The following FER1L6 variants were observed in gnomAD, a reference collection of about 807,000 sequenced individuals.
FER1L6 encodes fer-1-like protein 6.
A neutral mutation model predicts 219.2 loss-of-function variants in FER1L6; 177 were observed. That is an observed-to-expected ratio of 0.81 (90% CI 0.71 to 0.91). The LOEUF is 0.91. FER1L6 is among the 40% of genes least tolerant of loss of function. The pLI is 0.00. For synonymous variants in FER1L6, 768 were observed against 824.3 expected, an observed-to-expected ratio of 0.93 and a Z score of 1.17; for missense variants, 2,153 against 2,259.9, an observed-to-expected ratio of 0.95 and a Z score of 0.96.
rs537351784 is a variant in FER1L6, at chr8:123,930,534, G to A, written c.-7-25458G>A. On this transcript the variant is annotated intron_variant, in intron 1 of 40. Coordinates refer to ENST00000522917, the MANE Select transcript of FER1L6 (RefSeq NM_001039112.2). ...AGAAAGAGAAGAGGCAGGACTTAAT[G>A]GTGAGCACTATGGACACTCATGACT... is the stretch of plus-strand genomic sequence containing the variant. 2.1e-4 allele frequency among the ~76,000 whole-genome samples: 32 copies of A among 152,302 alleles called. 1 individual carries two copies. The South Asian group carries it at 6.6e-3, about 32-fold the overall frequency.
chr8:124,024,140 C>T (rs1250203126), intron 18 of FER1L6, among the ~76,000 whole-genome samples: 1 of 151,996 alleles, frequency 6.6e-6, no homozygotes, highest in Non-Finnish European at 1.5e-5. Flanking sequence ...TTGTGATCTG[C>T]CTGCCTCGGC....
intron 31 of FER1L6, among the ~76,000 whole-genome samples, chr8:124,075,698 C>T (rs571639699): frequency 3.9e-5 from 6 of 152,066 alleles, no homozygotes; most frequent in Non-Finnish European, 5.9e-5. Flanking sequence ...CACAAACATG[C>T]GAGTAATGTG....
chr8:123,998,138 G>A (rs1041239393), intron 12 of FER1L6, among the ~76,000 whole-genome samples: 4 of 152,052 alleles, frequency 2.6e-5, no homozygotes, highest in Non-Finnish European at 4.4e-5. Context: ...GGTTGTTTGC[G>A]CCCATCCTTC....
intron 1 of FER1L6, among the ~76,000 whole-genome samples, chr8:123,856,312 A>ATGTG (rs1266081655): frequency 1.5e-4 from 8 of 52,800 alleles, no homozygotes; most frequent in African/African-American, 5.7e-4. Flanking sequence ...ATATATATGT[A>ATGTG]TGTGTATATA....
chr8:124,058,169 A>C (rs1259331183), intron 22 of FER1L6, among the ~76,000 whole-genome samples: 2 of 152,188 alleles, frequency 1.3e-5, no homozygotes, highest in Non-Finnish European at 2.9e-5. Flanking sequence ...TCTGAGCATC[A>C]GTGATTTTTC....
Position 123,872,636 on chromosome 8 carries a change from T to C in FER1L6, c.-8+20451T>C, listed in dbSNP as rs77369640. 8.3e-3 allele frequency among the ~76,000 whole-genome samples: 1,263 copies of C among 152,322 alleles called. 8 individuals are homozygous for C. Among genetic ancestry groups the C allele is most frequent in the Non-Finnish European group, 0.012 (807 of 68,010 alleles). ...TAAGATAATAACAGGATTCTGGGCATGGGGAATATAGAAACTCTGTACTAT... is the reference window on the plus strand; with the variant it reads ...TAAGATAATAACAGGATTCTGGGCACGGGGAATATAGAAACTCTGTACTAT... On this transcript the variant is annotated intron_variant, in intron 1 of 40. Transcript: ENST00000522917.
At chr8:123,870,244 T>C (rs778336733) in intron 1 of FER1L6, among the ~76,000 whole-genome samples, 1 of 152,202 alleles carries the variant, frequency 6.6e-6, no homozygotes, top group African/African-American at 2.4e-5. Flanking sequence ...TATTTGACAA[T>C]TTCTCACAAA....
At chr8:123,956,412 G>T (rs1409817318) in intron 2 of FER1L6, among the ~76,000 whole-genome samples, 1 of 152,216 alleles carries the variant, frequency 6.6e-6, no homozygotes, top group East Asian at 1.9e-4. Flanking sequence ...GATGTGGGTT[G>T]CTGGGCTGAT....
At chr8:123,961,302 A>T (rs1443901971) in intron 2 of FER1L6, among the ~76,000 whole-genome samples, 1 of 152,066 alleles carries the variant, frequency 6.6e-6, no homozygotes, top group Non-Finnish European at 1.5e-5. Context: ...CTTGGGCCCC[A>T]CCCAGACCTA....
chr8:123,956,193 C>A, intron 2 of FER1L6, 119 bp downstream of exon 2: 2 of 926,080 alleles, frequency 2.2e-6, no homozygotes, highest in Non-Finnish European at 3.4e-6. Flanking sequence ...AATGTGCTGC[C>A]CCCGACCCTT....
chr8:124,034,793 G>A (rs1563756590), intron 18 of FER1L6, among the ~76,000 whole-genome samples: 1 of 152,198 alleles, frequency 6.6e-6, no homozygotes, highest in East Asian at 1.9e-4. Context: ...ACTCCAGACA[G>A]TTGGAAGTTC....
intron 12 of FER1L6, among the ~76,000 whole-genome samples, chr8:123,986,552 A>G (rs1349601467): frequency 2.0e-5 from 3 of 152,146 alleles, no homozygotes; most frequent in African/African-American, 7.2e-5. Flanking sequence ...AAAAACGTAC[A>G]GTAAGTTGTT....
At chr8:123,955,018 C>T (rs1214092891) in intron 1 of FER1L6, among the ~76,000 whole-genome samples, 1 of 152,148 alleles carries the variant, frequency 6.6e-6, no homozygotes, top group Non-Finnish European at 1.5e-5. Flanking sequence ...CTCAGCAGTC[C>T]CCCAGCTCAG....
intron 2 of FER1L6, among the ~76,000 whole-genome samples, chr8:123,961,181 G>A (rs1815259719): frequency 6.6e-6 from 1 of 152,102 alleles, no homozygotes; most frequent in African/African-American, 2.4e-5. Context: ...GGATCCTCGA[G>A]CCTGGGAATT....
chr8:124,107,105 A>T (rs959157894), intron 39 of FER1L6, among the ~76,000 whole-genome samples: 1 of 151,486 alleles, frequency 6.6e-6, no homozygotes, highest in Non-Finnish European at 1.5e-5. Flanking sequence ...CCCGCCACCA[A>T]GCCCAGCTAA....
intron 13 of FER1L6, among the ~76,000 whole-genome samples, chr8:124,004,909 A>G (rs1817590077): frequency 6.6e-6 from 1 of 151,842 alleles, no homozygotes; most frequent in South Asian, 2.1e-4. Context: ...GAGGCAGAAG[A>G]ATTGCTTGAA....
intron 12 of FER1L6, among the ~76,000 whole-genome samples, chr8:124,000,378 G>C (rs1291396949): frequency 6.6e-6 from 1 of 152,182 alleles, no homozygotes; most frequent in East Asian, 1.9e-4. Context: ...TCTTATGAAG[G>C]TGCTTATTTT....
At chr8:124,080,219 ACCACCCTTG>A (rs2130906012) in intron 32 of FER1L6, among the ~76,000 whole-genome samples, 1 of 152,076 alleles carries the variant, frequency 6.6e-6, no homozygotes, top group South Asian at 2.1e-4. Context: ...GTTTTCCCAA[ACCACCCTTG>A]CATCTAGGGA....
At position 124,064,484 on chromosome 8, in the gene FER1L6, A is replaced by C; in HGVS notation, c.3466A>C (p.Ile1156Leu). Reference protein sequence around the residue: ...VPDSAQAQPAILVDVPDSSPM... With the variant: ...VPDSAQAQPALLVDVPDSSPM... The stretch of plus-strand genomic sequence containing the variant: ...CGACTCTGCCCAGGCCCAGCCGGCC[A>C]TCCTGGTTGACGTCCCTGACTCATC... The change falls in exon 26 of 41, where the codon ATC becomes CTC. Residue 1156 changes from isoleucine to leucine, a missense_variant. Ile to Leu is a conservative substitution (Grantham distance 5). Coordinates refer to ENST00000522917, the MANE Select transcript of FER1L6 (RefSeq NM_001039112.2). 2 of 1,614,100 alleles carry C rather than the reference A, an allele frequency of 1.2e-6. No individual in the cohort carries two copies. The highest frequency in any genetic ancestry group is 1.7e-6 in the Non-Finnish European group (2 of 1,179,996).
Sources: allele counts gnomAD v4.1 joint callset (sites outside exome capture counted in the v4.1 genomes callset), GRCh38; gene constraint gnomAD v4.1.1; transcripts MANE v1.5; gene names NCBI Gene and HGNC (gene_info 2026-07-23, HGNC 2026-07-21).